Variants in SAMMSON observed in about 807,000 individuals in gnomAD.
SAMMSON encodes long intergenic non-protein coding RNA 1212.
intron 4 of SAMMSON, among the ~76,000 whole-genome samples, chr3:70,240,060 A>T (rs1379635030): frequency 6.6e-6 from 1 of 152,142 alleles, no homozygotes; most frequent in East Asian, 1.9e-4. Context: ...TCAATGCTCA[A>T]TACATCAGTA....
chr3:70,197,438 TCA>T (rs1284354272), intron 4 of SAMMSON, among the ~76,000 whole-genome samples: 1 of 152,216 alleles, frequency 6.6e-6, no homozygotes, highest in Non-Finnish European at 1.5e-5. Flanking sequence ...TAAAGTGCTG[TCA>T]GTTTTCTAAA....
intron 3 of SAMMSON, among the ~76,000 whole-genome samples, chr3:70,045,179 ATCG>A (rs1164196309): frequency 6.0e-5 from 8 of 133,342 alleles, no homozygotes; most frequent in African/African-American, 1.7e-4. Flanking sequence ...ATTTATATAT[ATCG>A]TTAATTATAA....
At chr3:70,395,221 C>T (rs754654218) in intron 2 of SAMMSON, among the ~76,000 whole-genome samples, 2 of 151,940 alleles carry the variant, frequency 1.3e-5, no homozygotes, top group Non-Finnish European at 2.9e-5. Flanking sequence ...CTCTATTGTC[C>T]GCTCCATTCC....
intron 4 of SAMMSON, among the ~76,000 whole-genome samples, chr3:70,124,835 A>AT (rs2067449394): frequency 6.6e-6 from 1 of 150,424 alleles, no homozygotes; most frequent in South Asian, 2.1e-4. Context: ...AAAAAAAAAA[A>AT]AAAAGAAAGA....
chr3:70,289,659 C>T (rs1335003180), intron 6 of SAMMSON, among the ~76,000 whole-genome samples: 1 of 151,864 alleles, frequency 6.6e-6, no homozygotes, highest in Non-Finnish European at 1.5e-5. Context: ...GAGTGTTTTC[C>T]AACTTGGTTC....
intron 9 of SAMMSON, among the ~76,000 whole-genome samples, chr3:70,379,789 CA>C (rs934245348): frequency 1.3e-5 from 2 of 150,030 alleles, no homozygotes; most frequent in African/African-American, 4.9e-5. Flanking sequence ...AAGCAAAGTG[CA>C]AAAAAAAGGA....
At chr3:70,290,699 A>G (rs990806895) in intron 6 of SAMMSON, among the ~76,000 whole-genome samples, 1 of 152,084 alleles carries the variant, frequency 6.6e-6, no homozygotes, top group African/African-American at 2.4e-5. Flanking sequence ...CTGCTGTGCT[A>G]GCAATCAGTG....
At chr3:70,317,112 T>C (rs1702500801) in intron 7 of SAMMSON, among the ~76,000 whole-genome samples, 1 of 152,040 alleles carries the variant, frequency 6.6e-6, no homozygotes, top group African/African-American at 2.4e-5. Context: ...ACTATATAAT[T>C]TCATTTACAT....
chr3:70,216,225 A>T (rs1701410610), intron 4 of SAMMSON, among the ~76,000 whole-genome samples: 1 of 150,478 alleles, frequency 6.6e-6, no homozygotes, highest in South Asian at 2.1e-4. Flanking sequence ...ATATAAATCC[A>T]TATACAATTA....
intron 3 of SAMMSON, among the ~76,000 whole-genome samples, chr3:70,060,615 C>T (rs150780015): frequency 5.1e-4 from 78 of 152,186 alleles, no homozygotes; most frequent in African/African-American, 1.7e-3. Flanking sequence ...TTTCCATCAC[C>T]TCCTATTTGC....
intron 3 of SAMMSON, among the ~76,000 whole-genome samples, chr3:70,062,164 G>A (rs1004292064): frequency 1.3e-5 from 2 of 151,972 alleles, no homozygotes; most frequent in African/African-American, 4.8e-5. Flanking sequence ...CACCCGCATG[G>A]CCCGTTTCCC....
At chr3:70,046,633 A>C (rs1051229280) in intron 3 of SAMMSON, among the ~76,000 whole-genome samples, 1 of 152,096 alleles carries the variant, frequency 6.6e-6, no homozygotes, top group Non-Finnish European at 1.5e-5. Context: ...TTCACATTGC[A>C]CTACTTTTCT....
intron 4 of SAMMSON, among the ~76,000 whole-genome samples, chr3:70,139,638 G>A (rs1350585463): frequency 1.3e-5 from 2 of 152,186 alleles, no homozygotes; most frequent in African/African-American, 4.8e-5. Context: ...GTACGGTTAT[G>A]GAGTTTGGGG....
intron 6 of SAMMSON, among the ~76,000 whole-genome samples, chr3:70,253,876 G>A (rs1032276210): frequency 2.0e-5 from 3 of 152,022 alleles, no homozygotes; most frequent in African/African-American, 4.8e-5. Context: ...TTCTGTTCCT[G>A]GAGATAAAAC....
intron 4 of SAMMSON, among the ~76,000 whole-genome samples, chr3:70,210,807 A>G (rs1247735002): frequency 2.0e-5 from 3 of 152,128 alleles, no homozygotes; most frequent in Admixed American, 2.0e-4. Flanking sequence ...GTGAATGTTA[A>G]ACAGTTTGGG....
At chr3:70,003,349 T>C (rs1192479474) in intron 1 of SAMMSON, among the ~76,000 whole-genome samples, 4 of 152,026 alleles carry the variant, frequency 2.6e-5, no homozygotes, top group African/African-American at 9.6e-5. Context: ...ATTATTGATA[T>C]ATTACAGAGT....
chr3:70,326,328 A>G (rs1192700767), intron 7 of SAMMSON, among the ~76,000 whole-genome samples: 2 of 152,222 alleles, frequency 1.3e-5, no homozygotes, highest in African/African-American at 4.8e-5. Flanking sequence ...TTATTCAACC[A>G]TTCTGTGCTG....
At chr3:70,422,441 ATCTT>A in intron 2 of SAMMSON, among the ~76,000 whole-genome samples, 1 of 152,204 alleles carries the variant, frequency 6.6e-6, no homozygotes, top group African/African-American at 2.4e-5. Context: ...ATTTAAAAAA[ATCTT>A]TCAGATAATG....
At chr3:70,046,917 A>ATC (rs2067129109) in intron 3 of SAMMSON, among the ~76,000 whole-genome samples, 2 of 151,968 alleles carry the variant, frequency 1.3e-5, no homozygotes, top group South Asian at 4.2e-4. Context: ...CTCTGACATC[A>ATC]TCAGGGAAAG....
Sources: allele counts gnomAD v4.1 joint callset (sites outside exome capture counted in the v4.1 genomes callset), GRCh38; gene constraint gnomAD v4.1.1; transcripts MANE v1.5; gene names NCBI Gene and HGNC (gene_info 2026-07-23, HGNC 2026-07-21).